Variants in POLR3A observed in about 807,000 individuals in gnomAD.
The protein encoded by POLR3A is RNA polymerase III subunit A, also known as DNA-directed RNA polymerase III subunit RPC1.
In POLR3A, 112 loss-of-function variants were observed where a neutral mutation model predicts 152.8. The ratio of observed to expected loss-of-function variants is 0.73; its 90% CI spans 0.63 to 0.86. The LOEUF (loss-of-function observed/expected upper bound fraction) is 0.86, where lower values mean the gene tolerates loss of function less well. POLR3A is among the 40% of genes least tolerant of loss of function. The pLI, the probability that POLR3A is intolerant of heterozygous loss-of-function variation, is 0.00. For synonymous variants in POLR3A, 615 were observed against 652.1 expected, an observed-to-expected ratio of 0.94 and a Z score of 0.87; for missense variants, 1,385 against 1,743.1, an observed-to-expected ratio of 0.79 and a Z score of 3.66.
At chr10:78,028,599 G>C (rs374381305) in intron 1 of POLR3A, among the ~76,000 whole-genome samples, 2 of 151,938 alleles carry the variant, frequency 1.3e-5, no homozygotes, top group Non-Finnish European at 2.9e-5. Flanking sequence ...TGCCTCCCAG[G>C]CTCAAGTGAT....
intron 19 of POLR3A, among the ~76,000 whole-genome samples, chr10:77,995,832 C>T (rs1365866153): frequency 6.6e-6 from 1 of 152,182 alleles, no homozygotes; most frequent in Non-Finnish European, 1.5e-5. Context: ...CTACAGAATT[C>T]TCCACCCCAA....
intron 19 of POLR3A, among the ~76,000 whole-genome samples, chr10:77,998,422 T>C (rs545071057): frequency 2.2e-3 from 339 of 152,120 alleles, no homozygotes; most frequent in African/African-American, 7.5e-3. Context: ...AGGGCTAACA[T>C]CCAGAATCTA....
chr10:78,019,238 T>C lies in POLR3A; in HGVS notation c.1213A>G (p.Arg405Gly). The change falls in exon 9 of 31, where the codon AGG (arginine) becomes GGG (glycine). Residue 405 changes from arginine to glycine, a missense_variant. Arg to Gly is a moderately radical substitution (Grantham distance 125, BLOSUM62 -2). This residue lies in a region of POLR3A where 493 missense variants were observed against 647.5 expected (regional missense o/e 0.76). Coordinates refer to ENST00000372371, the MANE Select transcript of POLR3A (RefSeq NM_007055.4). ...KVNKANINFL[R>G]KLVQNGPEVH... ...TCAGGGCCGTTTTGAACCAGTTTCC[T>C]CAAGAAATTGATGTTTGCTTTGTTT... is the stretch of plus-strand genomic sequence containing the variant. 1.2e-6 allele frequency: 2 copies of C among 1,613,914 alleles called. No homozygotes were observed. Among genetic ancestry groups the C allele is most frequent in the Non-Finnish European group, 1.7e-6 (2 of 1,179,880 alleles).
At chr10:77,979,715 G>T (rs1847121961) in intron 30 of POLR3A, among the ~76,000 whole-genome samples, 1 of 152,204 alleles carries the variant, frequency 6.6e-6, no homozygotes, top group Non-Finnish European at 1.5e-5. Context: ...TGGCACAGGG[G>T]CTCAGCAGGC....
intron 5 of POLR3A, 147 bp from the exon 6 acceptor site, chr10:78,022,531 A>G (rs1847590318): frequency 1.2e-6 from 1 of 831,480 alleles, no homozygotes; most frequent in East Asian, 2.5e-5. Context: ...GCTATGCTGC[A>G]AGAGCCTTAA....
At chr10:78,018,170 CA>C (rs112691299) in intron 9 of POLR3A, among the ~76,000 whole-genome samples, 2,611 of 69,520 alleles carry the variant, frequency 0.038, 32 homozygotes, top group African/African-American at 0.074. Flanking sequence ...ACTGAGACAT[CA>C]AAAAAAAAAA....
chr10:77,999,114 A>G (rs1847330466), intron 19 of POLR3A, among the ~76,000 whole-genome samples: 1 of 152,154 alleles, frequency 6.6e-6, no homozygotes, highest in Non-Finnish European at 1.5e-5. Flanking sequence ...GAACACATGG[A>G]CACAGGAAGG....
chr10:78,016,346 A>T (rs1009612394), intron 10 of POLR3A, among the ~76,000 whole-genome samples: 9 of 150,262 alleles, frequency 6.0e-5, no homozygotes, highest in Non-Finnish European at 8.9e-5. Flanking sequence ...AGGTGGGAGG[A>T]TCCATTGAGC....
chr10:78,025,840 C>A (rs1847629070), intron 2 of POLR3A, 81 bp from the exon 3 acceptor site: 1 of 1,329,630 alleles, frequency 7.5e-7, no homozygotes, highest in East Asian at 2.3e-5. Flanking sequence ...TGGCTGGTGA[C>A]ACAGAATCAT....
intron 24 of POLR3A, among the ~76,000 whole-genome samples, chr10:77,984,665 G>A (rs958085681): frequency 2.6e-5 from 4 of 152,110 alleles, no homozygotes. Flanking sequence ...TCAATGCTAC[G>A]TATTATCATT....
chr10:78,009,780 C>T, intron 13 of POLR3A, 84 bp downstream of exon 13: 4 of 1,608,394 alleles, frequency 2.5e-6, no homozygotes, highest in South Asian at 2.2e-5. Context: ...AGCCTAGCAC[C>T]AACACGGTTC....
chr10:78,013,586 A>T, intron 11 of POLR3A, 64 bp downstream of exon 11: 1 of 1,562,192 alleles, frequency 6.4e-7, no homozygotes, highest in South Asian at 1.1e-5. Context: ...GTTTTCATGT[A>T]AGTTTCCTTT....
In POLR3A at chr10:77,994,851, C is replaced by T. The variant is rs1292276752; in HGVS notation, c.2617-1484G>A. 4.6e-5 allele frequency among the ~76,000 whole-genome samples: 7 copies of T among 152,168 alleles called. 1 individual carries two copies. In the East Asian group the frequency reaches 1.2e-3, roughly 25 times the overall value. On this transcript the variant is annotated intron_variant, in intron 19 of 30. Coordinates refer to ENST00000372371, the MANE Select transcript of POLR3A (RefSeq NM_007055.4). ...CCTCGAGAAGAGCAACTCCAAGACA[C>T]ATAATTGTCAGATTCACCAAAGTTG...
In POLR3A at chr10:77,982,200, G is replaced by A. The variant is rs200705099; in HGVS notation, c.3713C>T (p.Thr1238Ile). The change falls in exon 28 of 31, where the codon ACA (threonine) becomes ATA (isoleucine). Residue 1238 changes from threonine (T) to isoleucine (I), a missense_variant. By Grantham distance (89) the Thr-to-Ile change is moderately conservative (BLOSUM62 -1). Coordinates refer to ENST00000372371, the MANE Select transcript of POLR3A (RefSeq NM_007055.4). The part of the protein sequence containing the change: ...EGDNLRAVMA[T>I]HGVKGTRTTS... ...GGTTCGGGTGCCCTTCACACCGTGT[G>A]TGGCCATGACTGCCCGCAGGTTATC... The A allele has an allele frequency of 6.2e-7, 1 of 1,614,116 alleles. No individual in the cohort carries two copies. The highest frequency in any genetic ancestry group is 2.2e-5 in the East Asian group (1 of 44,880).
chr10:78,019,121 T>G (rs1287379649), intron 9 of POLR3A, 41 bp downstream of exon 9: 3,750 of 1,334,412 alleles, frequency 2.8e-3, no homozygotes, highest in Non-Finnish European at 3.7e-3. Context: ...AGCTTTGCCA[T>G]GAGAAAGTAG....
intron 12 of POLR3A, 108 bp downstream of exon 12, chr10:78,010,363 A>T: frequency 1.1e-6 from 1 of 948,014 alleles, no homozygotes; most frequent in Non-Finnish European, 1.7e-6. Context: ...AAACCAAATT[A>T]AACACAGGCT....
At chr10:77,978,067 C>G (rs2131923646) in intron 30 of POLR3A, among the ~76,000 whole-genome samples, 1 of 152,320 alleles carries the variant, frequency 6.6e-6, no homozygotes, top group South Asian at 2.1e-4. Context: ...ATACAATCCC[C>G]TTGGAAACTG....
intron 17 of POLR3A, 60 bp from the exon 18 acceptor site, chr10:78,001,154 A>G: frequency 2.2e-6 from 2 of 917,546 alleles, no homozygotes. Flanking sequence ...ATTGAAGTGC[A>G]TGCAGATTGG....
In POLR3A at chr10:78,009,948, G is replaced by T. The variant is rs1027140335; in HGVS notation, c.1686C>A (p.Ala562=). ...LTLKDTFFDR[A]KACQIIASIL... ...TTGAAGCAATGATTTGGCAAGCCTT[G>T]GCTCGATCAAAGAAAGTGTCCTTGA... Residue 562 remains alanine (A), a synonymous_variant, in exon 13 of 31, where the codon GCC becomes GCA. Transcript: ENST00000372371. The T allele has an allele frequency of 1.2e-6, 2 of 1,614,004 alleles. No homozygotes were observed. The highest frequency in any genetic ancestry group is 2.7e-5 in the African/African-American group (2 of 74,910).
Sources: gnomAD v4.1 joint callset for allele counts (sites outside exome capture counted in the v4.1 genomes callset) on GRCh38, gnomAD v4.1.1 for gene constraint, gnomAD v4.1.1 regional missense constraint, MANE v1.5 for transcripts, NCBI Gene and HGNC (gene_info 2026-07-23, HGNC 2026-07-21) for gene names.